The following ASPSCR1 variants were observed in gnomAD, a reference collection of about 807,000 sequenced individuals.
ASPSCR1 encodes the protein ASPSCR1 tether for SLC2A4, UBX domain containing.
A neutral mutation model predicts 68.9 loss-of-function variants in ASPSCR1; 55 were observed. The ratio of observed to expected loss-of-function variants is 0.80; its 90% confidence interval spans 0.64 to 1.00. ASPSCR1 has a LOEUF of 1.00. ASPSCR1 is among the 50% of genes least tolerant of loss of function. The pLI is 0.00. For missense variants in ASPSCR1, 765 were observed against 762.2 expected, an observed-to-expected ratio of 1.00 and a Z score of -0.04; for synonymous variants, 352 against 332.6, an observed-to-expected ratio of 1.06 and a Z score of -0.63.
At chr17:81,992,059 G>A (rs1055792299) in intron 4 of ASPSCR1, among the ~76,000 whole-genome samples, 1 of 152,238 alleles carries the variant, frequency 6.6e-6, no homozygotes, top group Admixed American at 6.5e-5. Flanking sequence ...TCTGCTGGCT[G>A]GAGAGTGTGT....
At chr17:81,984,802 C>G (rs1364422141) in intron 3 of ASPSCR1, among the ~76,000 whole-genome samples, 1 of 149,320 alleles carries the variant, frequency 6.7e-6, no homozygotes, top group Non-Finnish European at 1.5e-5. Flanking sequence ...CCCCCACACA[C>G]CCACATACCC....
At chr17:81,984,883 C>T (rs1321795226) in intron 3 of ASPSCR1, among the ~76,000 whole-genome samples, 1 of 100,702 alleles carries the variant, frequency 9.9e-6, no homozygotes, top group South Asian at 3.7e-4. Flanking sequence ...CGCACACACA[C>T]CCCCCACACA....
chr17:82,010,896 A>G, intron 10 of ASPSCR1, 28 bp downstream of exon 10: 2 of 1,606,760 alleles, frequency 1.2e-6, no homozygotes, highest in East Asian at 2.2e-5. Context: ...GTGTCCGGGG[A>G]TGGGGGGCAG....
chr17:82,010,256 G>A (rs1197938997), intron 9 of ASPSCR1, among the ~76,000 whole-genome samples: 7 of 150,786 alleles, frequency 4.6e-5, no homozygotes, highest in Admixed American at 1.3e-4. Context: ...TGAGCCGGGC[G>A]TGGTGGCTCA....
chr17:81,982,909 G>T (rs1215554678), intron 2 of ASPSCR1, among the ~76,000 whole-genome samples: 2 of 152,122 alleles, frequency 1.3e-5, no homozygotes, highest in Non-Finnish European at 2.9e-5. Flanking sequence ...TGCCTCCCGG[G>T]TTCAAGCGAT....
chr17:81,982,806 T>TCTTTC (rs1009863334), intron 2 of ASPSCR1: 13 of 149,662 alleles, frequency 8.7e-5, no homozygotes, highest in Admixed American at 5.3e-4. Flanking sequence ...TCTTTTCTTT[T>TCTTTC]CTTTCCTTTC....
intron 5 of ASPSCR1, 146 bp from the exon 6 acceptor site, chr17:81,995,846 G>C: frequency 1.3e-6 from 1 of 771,296 alleles, no homozygotes. Flanking sequence ...GTGTGGACCG[G>C]CAGGGGCCAG....
Position 81,983,616 on chromosome 17 carries a change from C to A in ASPSCR1, c.221C>A (p.Ala74Asp). The A allele has an allele frequency of 6.2e-7, 1 of 1,613,548 alleles. No individual in the cohort carries two copies. Among genetic ancestry groups the A allele is most frequent in the Non-Finnish European group, 8.5e-7 (1 of 1,179,922 alleles). Reference protein sequence around the residue: ...QWRFANLPNNAKLEMVPASRS... With the variant: ...QWRFANLPNNDKLEMVPASRS... ...AGATTTGCCAACCTGCCCAACAATG[C>A]CAAGCTGGAGATGGTGCCCGCTTCC... Residue 74 changes from alanine (A) to aspartate (D), a missense_variant, in exon 3 of 16, where the codon GCC (alanine) becomes GAC (aspartate). By Grantham distance (126) the Ala-to-Asp change is moderately radical. Transcript: ENST00000306739. The surrounding 1 kb of genome is among the most constrained non-coding windows in gnomAD (Gnocchi z 4.4).
At chr17:81,992,796 T>C (rs770795341) in intron 4 of ASPSCR1, among the ~76,000 whole-genome samples, 2 of 152,236 alleles carry the variant, frequency 1.3e-5, no homozygotes, top group Non-Finnish European at 2.9e-5. Flanking sequence ...CAAGGCCCTT[T>C]GTTGGCTGCT....
intron 7 of ASPSCR1, among the ~76,000 whole-genome samples, chr17:82,000,942 C>T (rs971080725): frequency 3.3e-5 from 5 of 152,148 alleles, no homozygotes; most frequent in African/African-American, 9.6e-5. Context: ...GCACGAGGGC[C>T]GCTCCTGATC....
rs61533596 is a variant in ASPSCR1, at chr17:81,993,292, C to T, written c.375-1529C>T. 7.9e-3 allele frequency among the ~76,000 whole-genome samples: 1,210 copies of T among 152,262 alleles called. 16 individuals are homozygous for T. The highest frequency in any genetic ancestry group is 0.028 in the African/African-American group (1,158 of 41,546). On this transcript the variant is annotated intron_variant, in intron 4 of 15. Transcript: ENST00000306739. ...GCAGTGGCGCGATCTCGGCTCACTG[C>T]AAGCTCCACCTCCTGGGTTCACGCC...
intron 2 of ASPSCR1, chr17:81,982,536 T>C (rs774353864): frequency 2.0e-5 from 3 of 152,296 alleles, no homozygotes; most frequent in African/African-American, 4.8e-5. Context: ...GACGTAGACA[T>C]TTCATGTGGC....
chr17:81,981,957 C>T (rs1337427145), intron 2 of ASPSCR1, among the ~76,000 whole-genome samples: 1 of 151,608 alleles, frequency 6.6e-6, no homozygotes, highest in Non-Finnish European at 1.5e-5. Flanking sequence ...TGAGCCACTG[C>T]ACCTGGCCTC....
chr17:81,992,414 G>A (rs530686063), intron 4 of ASPSCR1, among the ~76,000 whole-genome samples: 19 of 152,324 alleles, frequency 1.2e-4, no homozygotes, highest in South Asian at 1.2e-3. Context: ...CATCAAAGCC[G>A]GGCTGGCGTT....
rs570112771 is a variant in ASPSCR1, at chr17:81,986,356, G to A, written c.374+749G>A. Among the ~76,000 whole-genome samples, 195 of 152,282 alleles carry A rather than the reference G, an allele frequency of 1.3e-3. 1 individual carries two copies. Among genetic ancestry groups the A allele is most frequent in the African/African-American group, 4.3e-3 (179 of 41,552 alleles). ...CTGAGGTGGGAGGATCACTTGAGCC[G>A]TGGAGGCAGTTGCAGTGAGCCGAGA... On this transcript the variant is annotated intron_variant, in intron 4 of 15. Coordinates refer to ENST00000306739, the MANE Select transcript of ASPSCR1 (RefSeq NM_024083.4). This position sits in a 1 kb window ranked among gnomAD's most constrained non-coding sequence, Gnocchi z 5.2.
At chr17:82,016,338 C>A in intron 12 of ASPSCR1, 138 bp from the exon 13 acceptor site, 3 of 749,702 alleles carry the variant, frequency 4.0e-6, no homozygotes, top group Non-Finnish European at 6.4e-6. Context: ...GGAAGCTGGG[C>A]GATGGGCTCA....
chr17:82,015,442 C>A, intron 12 of ASPSCR1: 1 of 1,468,452 alleles, frequency 6.8e-7, no homozygotes, highest in Non-Finnish European at 9.1e-7. Context: ...GCCTACTTCC[C>A]TCTCCTGGTG....
chr17:82,008,678 G>A (rs569035450), intron 7 of ASPSCR1: 5 of 211,286 alleles, frequency 2.4e-5, no homozygotes, highest in South Asian at 1.7e-4. Flanking sequence ...TTTTGCCGAC[G>A]CTCTAATTTG....
intron 7 of ASPSCR1, among the ~76,000 whole-genome samples, chr17:82,002,314 A>C (rs1390327357): frequency 6.7e-6 from 1 of 149,856 alleles, no homozygotes; most frequent in Non-Finnish European, 1.5e-5. Context: ...GCTGGAGTAC[A>C]ATGGCACGAT....
Sources: allele counts gnomAD v4.1 joint callset (sites outside exome capture counted in the v4.1 genomes callset), GRCh38; gene constraint gnomAD v4.1.1; non-coding constraint Gnocchi (gnomAD v3.1); transcripts MANE v1.5; gene names NCBI Gene and HGNC (gene_info 2026-07-23, HGNC 2026-07-21).